The following DOCK1 variants were observed in gnomAD, a reference collection of about 807,000 sequenced individuals.
DOCK1 encodes dedicator of cytokinesis 1, also known as dedicator of cytokinesis protein 1.
A neutral mutation model predicts 262.7 loss-of-function variants in DOCK1; 138 were observed. The ratio of observed to expected loss-of-function variants is 0.53; its 90% CI spans 0.46 to 0.61. The LOEUF (loss-of-function observed/expected upper bound fraction) is 0.61. DOCK1 is among the 20% of genes least tolerant of loss of function. The pLI is 0.00. For missense variants in DOCK1, 1,908 were observed against 2,370.7 expected (o/e 0.80, Z 4.05); for synonymous variants, 866 against 867.4 (o/e 1.00, Z 0.03).
chr10:126,949,542 A>C (rs2134369393), intron 1 of DOCK1, among the ~76,000 whole-genome samples: 1 of 152,232 alleles, frequency 6.6e-6, no homozygotes, highest in East Asian at 1.9e-4. Flanking sequence ...TCCCCTGCTT[A>C]ATTTCAGAGC....
At chr10:126,970,131 G>A (rs2037988742) in intron 1 of DOCK1, among the ~76,000 whole-genome samples, 1 of 152,096 alleles carries the variant, frequency 6.6e-6, no homozygotes, top group African/African-American at 2.4e-5. Context: ...TTAATGGTGT[G>A]ACTTTTTAGG....
chr10:127,026,629 C>T (rs890150114), intron 16 of DOCK1: 2 of 591,676 alleles, frequency 3.4e-6, no homozygotes, highest in Non-Finnish European at 5.9e-6. Flanking sequence ...TCTCCAGTTC[C>T]TCCTACCCAG....
At chr10:127,103,240 C>T (rs895846519) in intron 23 of DOCK1, among the ~76,000 whole-genome samples, 25 of 152,312 alleles carry the variant, frequency 1.6e-4, no homozygotes, top group Non-Finnish European at 2.9e-5. Context: ...GAGACGTCCA[C>T]ATAAGGGTTT....
chr10:127,341,628 CGT>C (rs1024052245), intron 30 of DOCK1, among the ~76,000 whole-genome samples: 2 of 152,020 alleles, frequency 1.3e-5, no homozygotes, highest in African/African-American at 4.8e-5. Flanking sequence ...GGTAGATTCC[CGT>C]GTGTTTTAGT....
At chr10:127,163,799 C>CTTT (rs531750560) in intron 27 of DOCK1, among the ~76,000 whole-genome samples, 4 of 129,222 alleles carry the variant, frequency 3.1e-5, no homozygotes, top group Non-Finnish European at 3.3e-5. Flanking sequence ...TAAAGCCTTC[C>CTTT]TTTTTTTTTT....
At chr10:127,427,264 TA>T (rs1358753451) in intron 47 of DOCK1, among the ~76,000 whole-genome samples, 1 of 152,174 alleles carries the variant, frequency 6.6e-6, no homozygotes, top group African/African-American at 2.4e-5. Flanking sequence ...TTCTCCCAGG[TA>T]ACATACGGCA....
intron 30 of DOCK1, among the ~76,000 whole-genome samples, chr10:127,340,097 G>T (rs767539047): frequency 2.0e-5 from 3 of 151,952 alleles, no homozygotes; most frequent in Non-Finnish European, 4.4e-5. Context: ...AGTGTTTGTT[G>T]TATTGGCATT....
At chr10:127,229,139 G>A (rs1386516025) in intron 27 of DOCK1, among the ~76,000 whole-genome samples, 4 of 152,064 alleles carry the variant, frequency 2.6e-5, no homozygotes, top group Admixed American at 6.5e-5. Flanking sequence ...CAGGAGAATC[G>A]CTTGAACCCA....
At chr10:127,097,180 C>G (rs1285042837) in intron 23 of DOCK1, among the ~76,000 whole-genome samples, 1 of 152,178 alleles carries the variant, frequency 6.6e-6, no homozygotes, top group Admixed American at 6.5e-5. Flanking sequence ...TTAGCCTCTT[C>G]TGCCCTTTCC....
In DOCK1 at chr10:127,347,068, C is replaced by T. The variant is rs74158668; in HGVS notation, c.3224+3322C>T. ...TGTAGTCTTCATGCCACTTGATAAG[C>T]CTTCAGCCCTTCATAGTCCATTTGC... On this transcript the variant is annotated intron_variant, in intron 31 of 51. Coordinates refer to ENST00000623213, the MANE Select transcript of DOCK1 (RefSeq NM_001290223.2). Among the ~76,000 whole-genome samples the T allele has an allele frequency of 7.5e-3, 1,142 of 152,364 alleles. 11 individuals carry two copies. The highest frequency in any genetic ancestry group is 0.025 in the African/African-American group (1,024 of 41,590).
intron 23 of DOCK1, among the ~76,000 whole-genome samples, chr10:127,098,901 G>A (rs1213817246): frequency 6.6e-6 from 1 of 152,082 alleles, no homozygotes; most frequent in Non-Finnish European, 1.5e-5. Flanking sequence ...ACTCCACAGA[G>A]GAAACTGAAG....
chr10:127,275,727 C>A (rs116462553), intron 29 of DOCK1, among the ~76,000 whole-genome samples: 1 of 151,272 alleles, frequency 6.6e-6, no homozygotes, highest in South Asian at 2.2e-4. Context: ...CAGGAGAGGA[C>A]AGAGGGAGGT....
chr10:127,320,507 A>G (rs2062472756), intron 29 of DOCK1, among the ~76,000 whole-genome samples: 1 of 152,134 alleles, frequency 6.6e-6, no homozygotes, highest in African/African-American at 2.4e-5. Flanking sequence ...GAGAGCCCGG[A>G]AAGAGGTCAG....
At chr10:126,910,608 C>T (rs1457549514) in intron 1 of DOCK1, among the ~76,000 whole-genome samples, 5 of 152,144 alleles carry the variant, frequency 3.3e-5, no homozygotes, top group East Asian at 1.9e-4. Context: ...CATGAGTAGC[C>T]ATTACTAGTT....
In DOCK1 at chr10:126,938,738, C is replaced by T. The variant is rs1436462383; in HGVS notation, c.47-31964C>T. 4.4e-5 allele frequency among the ~76,000 whole-genome samples: 6 copies of T among 136,488 alleles called. 1 individual carries two copies. In the East Asian group the frequency reaches 1.2e-3, roughly 26 times the overall value. 89.5% of individuals were successfully genotyped at this position (136,488 alleles called of 152,430 possible). A position where few individuals can be genotyped will look rare whatever the true frequency, so the allele number is the denominator to read the frequency against. ...AAATGGCACCTTGCTGCTACATTCTCCAGAGGGGATGAACACCGGAGGGGA... is the reference window on the plus strand; with the variant it reads ...AAATGGCACCTTGCTGCTACATTCTTCAGAGGGGATGAACACCGGAGGGGA... On this transcript the variant is annotated intron_variant, in intron 1 of 51. Transcript: ENST00000623213.
intron 27 of DOCK1, among the ~76,000 whole-genome samples, chr10:127,195,796 C>G (rs918120620): frequency 6.6e-6 from 1 of 152,158 alleles, no homozygotes; most frequent in Non-Finnish European, 1.5e-5. Context: ...CCTTGCCCCC[C>G]ACCTGCGACC....
intron 29 of DOCK1, among the ~76,000 whole-genome samples, chr10:127,312,982 G>C (rs1006631761): frequency 8.6e-5 from 13 of 152,020 alleles, no homozygotes; most frequent in African/African-American, 2.9e-4. Flanking sequence ...CCCTAGCCTG[G>C]CCATTGAGGC....
rs1164380952 is a variant in DOCK1, at chr10:127,037,756, C to G, written c.1950C>G (p.Thr650=). 3.1e-6 allele frequency: 5 copies of G among 1,597,166 alleles called. No individual in the cohort carries two copies. The highest frequency in any genetic ancestry group is 1.1e-5 in the South Asian group (1 of 87,524). ...GGCTCTTGAAATGGCGCTCCAACAC[C>G]AGCCTGCTGCAGCAGAACTTGAGGC... ...LLGLLKWRSN[T]SLLQQNLRQL... Residue 650 remains threonine (T), a synonymous_variant, in exon 19 of 52, where the codon ACC becomes ACG. Transcript: ENST00000623213.
chr10:127,264,513 G>A (rs751843418), intron 29 of DOCK1, among the ~76,000 whole-genome samples: 1 of 152,192 alleles, frequency 6.6e-6, no homozygotes, highest in South Asian at 2.1e-4. Context: ...ATGTAAAATT[G>A]TAGAGAAAAC....
Sources: gnomAD v4.1 joint callset for allele counts (sites outside exome capture counted in the v4.1 genomes callset) on GRCh38, gnomAD v4.1.1 for gene constraint, MANE v1.5 for transcripts, NCBI Gene and HGNC (gene_info 2026-07-23, HGNC 2026-07-21) for gene names.